Variants in WNK1 observed in about 807,000 individuals in gnomAD.
The protein encoded by WNK1 is WNK lysine deficient protein kinase 1, also known as serine/threonine-protein kinase WNK1.
Under a neutral mutation model 222.8 loss-of-function variants are expected in WNK1, and 38 were observed. The ratio of observed to expected loss-of-function variants is 0.17; its 90% CI spans 0.13 to 0.22. The LOEUF (loss-of-function observed/expected upper bound fraction) is 0.22, where lower values mean the gene tolerates loss of function less well. WNK1 is among the 10% of genes least tolerant of loss of function. WNK1 has a pLI of 1.00. For synonymous variants in WNK1, 1,090 were observed against 1,092.9 expected, an observed-to-expected ratio of 1.00 and a Z score of 0.05; for missense variants, 2,348 against 2,918.4, an observed-to-expected ratio of 0.80 and a Z score of 4.50.
At chr12:851,767 G>A (rs1187730142) in intron 4 of WNK1, 3 of 1,346,026 alleles carry the variant, frequency 2.2e-6, no homozygotes, top group Non-Finnish European at 2.9e-6. Flanking sequence ...GCCCTCAAAA[G>A]GATTGTATAA....
chr12:906,241 G>A, intron 26 of WNK1: 1 of 903,288 alleles, frequency 1.1e-6, no homozygotes, highest in Non-Finnish European at 1.3e-6. Flanking sequence ...AAGACAGTGG[G>A]GGGTAAGGAA....
chr12:759,424 G>C (rs996555366), intron 1 of WNK1, among the ~76,000 whole-genome samples: 2 of 147,094 alleles, frequency 1.4e-5, no homozygotes, highest in African/African-American at 4.9e-5. Context: ...TCCACCTCCC[G>C]GGTTCCAGCA....
At chr12:849,579 T>A (rs1030721532) in intron 4 of WNK1, among the ~76,000 whole-genome samples, 2 of 152,182 alleles carry the variant, frequency 1.3e-5, no homozygotes, top group South Asian at 2.1e-4. Flanking sequence ...GATTTTTTTT[T>A]ATTATACCTT....
At position 859,292 on chromosome 12, in the gene WNK1, C is replaced by G; in HGVS notation, c.1448C>G (p.Thr483Arg). 1 of 1,613,718 alleles carries G rather than the reference C, an allele frequency of 6.2e-7. No homozygotes were observed. The highest frequency in any genetic ancestry group is 8.5e-7 in the Non-Finnish European group (1 of 1,179,850). ...LLNHAFFQEETGVRVELAEED... is the reference protein window; with the variant it reads ...LLNHAFFQEERGVRVELAEED... The stretch of plus-strand genomic sequence containing the variant: ...AACCATGCCTTCTTCCAAGAGGAAA[C>G]AGGAGTACGGGTAGAATTAGCAGAA... Residue 483 changes from threonine to arginine, a missense_variant, in exon 6 of 28, where the codon ACA (threonine) becomes AGA (arginine). Coordinates refer to ENST00000315939, the MANE Select transcript of WNK1 (RefSeq NM_018979.4).
intron 1 of WNK1, among the ~76,000 whole-genome samples, chr12:802,137 C>T (rs757533451): frequency 6.6e-6 from 1 of 152,160 alleles, no homozygotes; most frequent in East Asian, 1.9e-4. Context: ...GGTACATATA[C>T]TTCTAGAAAT....
Position 842,943 on chromosome 12 carries a change from A to C in WNK1, c.1311+12783A>C, listed in dbSNP as rs77384144. ...AGTGATTTTATTTATTTATTTATTT[A>C]TTTATTTTTGGAGACGGAGTCTCTC... On this transcript the variant is annotated intron_variant, in intron 4 of 27. Transcript: ENST00000315939. Among the ~76,000 whole-genome samples the C allele has an allele frequency of 4.0e-3, 609 of 152,070 alleles. 4 individuals carry two copies. Among genetic ancestry groups the C allele is most frequent in the South Asian group, 0.032 (152 of 4,814 alleles).
At chr12:808,018 C>T (rs1055987078) in intron 1 of WNK1, among the ~76,000 whole-genome samples, 2 of 151,882 alleles carry the variant, frequency 1.3e-5, no homozygotes, top group South Asian at 2.1e-4. Context: ...CGCGCCCGGC[C>T]GGGAGCAATA....
chr12:868,045 C>G (rs148474173), intron 8 of WNK1: 1 of 1,614,018 alleles, frequency 6.2e-7, no homozygotes, highest in East Asian at 2.2e-5. Context: ...CTCACCACTT[C>G]CAACCCCTGC....
At chr12:801,865 T>G (rs1485885314) in intron 1 of WNK1, among the ~76,000 whole-genome samples, 1 of 152,182 alleles carries the variant, frequency 6.6e-6, no homozygotes, top group African/African-American at 2.4e-5. Context: ...TACTTATACA[T>G]TTCAATTTGT....
chr12:883,432 C>A lies in WNK1; in HGVS notation c.3527C>A (p.Ser1176Ter). Residue 1176 changes from serine to a stop codon, truncating the protein, a stop_gained, in exon 16 of 28, where the codon TCG becomes TAG. Transcript: ENST00000315939. LOFTEE classifies it high-confidence loss of function. Reference protein sequence around the residue: ...NDFILAIERESFVDQVREIIE... With the variant: ...NDFILAIERE Reference sequence around the variant, plus strand: ...TTTATTCTAGCAATAGAGAGAGAGTCGTTTGTGGATCAAGTGCGAGAAATT... The same window carrying A: ...TTTATTCTAGCAATAGAGAGAGAGTAGTTTGTGGATCAAGTGCGAGAAATT... The A allele has an allele frequency of 1.9e-6, 3 of 1,614,024 alleles. No individual in the cohort carries two copies. Among genetic ancestry groups the A allele is most frequent in the South Asian group, 2.2e-5 (2 of 91,018 alleles).
chr12:774,677 G>T (rs1350445054), intron 1 of WNK1, among the ~76,000 whole-genome samples: 5 of 152,156 alleles, frequency 3.3e-5, no homozygotes, highest in African/African-American at 1.2e-4. Flanking sequence ...TTGTTTTCCA[G>T]AAGAGTTATA....
intron 26 of WNK1, among the ~76,000 whole-genome samples, chr12:901,969 G>A (rs1007451511): frequency 2.6e-5 from 4 of 152,058 alleles, no homozygotes; most frequent in African/African-American, 9.7e-5. Flanking sequence ...CTCCACAGTC[G>A]TAGTCAGTGC....
At chr12:905,668 G>A (rs1955634107) in intron 26 of WNK1, among the ~76,000 whole-genome samples, 1 of 152,146 alleles carries the variant, frequency 6.6e-6, no homozygotes, top group Non-Finnish European at 1.5e-5. Flanking sequence ...TTTCTAGATT[G>A]AGTCACTCAC....
chr12:860,939 TGGCGGGGGGTGGTGGTGGGGGG>T, intron 6 of WNK1, 52 bp from the exon 7 acceptor site: 6 of 1,152,366 alleles, frequency 5.2e-6, no homozygotes, highest in South Asian at 2.7e-5. Flanking sequence ...TTTTTTTTTT[TGGCGGGGGGTGGTGGTGGGGGG>T]TGTTGTTTTC....
intron 1 of WNK1, among the ~76,000 whole-genome samples, chr12:801,448 T>TGTG (rs1248352186): frequency 6.6e-6 from 1 of 150,832 alleles, no homozygotes; most frequent in Non-Finnish European, 1.5e-5. Flanking sequence ...TGTGTGTGTG[T>TGTG]GTGTGTGTGT....
chr12:899,598 C>T (rs1397058106), intron 25 of WNK1, among the ~76,000 whole-genome samples: 1 of 152,280 alleles, frequency 6.6e-6, no homozygotes, highest in East Asian at 1.9e-4. Flanking sequence ...TAATCAAATT[C>T]TAATCCTAAT....
intron 1 of WNK1, among the ~76,000 whole-genome samples, chr12:757,178 C>T (rs1215049245): frequency 6.6e-6 from 1 of 151,974 alleles, no homozygotes; most frequent in East Asian, 1.9e-4. Flanking sequence ...TGATTTTTAT[C>T]ACTTCAAATT....
At chr12:817,369 A>G (rs1228422166) in intron 2 of WNK1, among the ~76,000 whole-genome samples, 1 of 152,060 alleles carries the variant, frequency 6.6e-6, no homozygotes, top group Non-Finnish European at 1.5e-5. Flanking sequence ...GAGAATGAGA[A>G]AAAGAAAAAT....
At chr12:889,311 A>T (rs978946303) in intron 21 of WNK1, 88 bp downstream of exon 21, 1 of 1,132,106 alleles carries the variant, frequency 8.8e-7, no homozygotes, top group Non-Finnish European at 1.3e-6. Flanking sequence ...ACCATTATTA[A>T]TACCTTTAAC....
Sources: gnomAD v4.1 joint callset for allele counts (sites outside exome capture counted in the v4.1 genomes callset) on GRCh38, gnomAD v4.1.1 for gene constraint, MANE v1.5 for transcripts, NCBI Gene and HGNC (gene_info 2026-07-23, HGNC 2026-07-21) for gene names.